FRMD4A: variants seen among roughly 807,000 people sequenced by gnomAD.
FRMD4A encodes FERM domain containing 4A, also known as FERM domain-containing protein 4A.
A neutral mutation model predicts 129.1 loss-of-function variants in FRMD4A; 29 were observed. That is an observed-to-expected ratio of 0.22 (90% CI 0.17 to 0.31). The LOEUF (loss-of-function observed/expected upper bound fraction) is 0.31. FRMD4A is among the 10% of genes least tolerant of loss of function. The pLI, the probability that FRMD4A is intolerant of heterozygous loss-of-function variation, is 1.00. For synonymous variants in FRMD4A, 634 were observed against 571.6 expected, an observed-to-expected ratio of 1.11 and a Z score of -1.56; for missense variants, 1,272 against 1,375.8, an observed-to-expected ratio of 0.92 and a Z score of 1.19.
chr10:14,250,676 C>A (rs1564417621), intron 2 of FRMD4A, among the ~76,000 whole-genome samples: 1 of 152,194 alleles, frequency 6.6e-6, no homozygotes, highest in African/African-American at 2.4e-5. Context: ...CAGTCCTTGG[C>A]TTCAGGGCTG....
chr10:14,013,059 A>T (rs1247761055), intron 2 of FRMD4A, among the ~76,000 whole-genome samples: 1 of 152,178 alleles, frequency 6.6e-6, no homozygotes, highest in Non-Finnish European at 1.5e-5. Flanking sequence ...GAGCCCCAGC[A>T]GAAGGGGCAA....
intron 2 of FRMD4A, chr10:14,087,621 G>C (rs1292504569): frequency 6.6e-6 from 1 of 152,196 alleles, no homozygotes; most frequent in Admixed American, 6.5e-5. Context: ...CTGGTGGGAT[G>C]AGAGTGGAAA....
chr10:13,704,352 C>CAG lies in FRMD4A; in HGVS notation c.836+2683_836+2684dup, dbSNP rs1297088675. Among the ~76,000 whole-genome samples the CAG allele has an allele frequency of 5.3e-5, 8 of 152,320 alleles. No individual in the cohort carries two copies. The South Asian group carries it at 1.7e-3, about 32-fold the overall frequency. The stretch of plus-strand genomic sequence containing the variant: ...ATTCCTGCCTGTCTGCAGGCTAACT[C>CAG]AGTGTACTCAGAGCGAGTTTGCCTG... On this transcript the variant is annotated intron_variant, in intron 13 of 24. Transcript: ENST00000357447.
intron 2 of FRMD4A, among the ~76,000 whole-genome samples, chr10:14,284,090 G>T (rs1845606007): frequency 6.6e-6 from 1 of 152,118 alleles, no homozygotes; most frequent in Non-Finnish European, 1.5e-5. Flanking sequence ...TATGAAATAT[G>T]GGTAAAAATA....
chr10:13,890,516 C>T (rs2094682989), intron 2 of FRMD4A: 1 of 977,948 alleles, frequency 1.0e-6, no homozygotes, highest in African/African-American at 1.8e-5. Context: ...GCAGCTGAAC[C>T]CTCAATCAGG....
chr10:14,111,187 T>C (rs1168907970), intron 2 of FRMD4A, among the ~76,000 whole-genome samples: 1 of 152,238 alleles, frequency 6.6e-6, no homozygotes, highest in Admixed American at 6.5e-5. Flanking sequence ...CTGCTTTCTG[T>C]CTCTGCGAAT....
At chr10:14,024,034 G>C (rs1025246632) in intron 2 of FRMD4A, among the ~76,000 whole-genome samples, 1 of 152,174 alleles carries the variant, frequency 6.6e-6, no homozygotes, top group Non-Finnish European at 1.5e-5. Context: ...TCAGGGAATA[G>C]CTACTGAAGC....
intron 5 of FRMD4A, among the ~76,000 whole-genome samples, chr10:13,789,392 T>C (rs577678040): frequency 1.3e-5 from 2 of 152,300 alleles, no homozygotes; most frequent in South Asian, 4.1e-4. Flanking sequence ...CAGTTTATTG[T>C]CTGTGAAACT....
chr10:14,052,045 CAG>C (rs1834285914), intron 2 of FRMD4A, among the ~76,000 whole-genome samples: 1 of 152,134 alleles, frequency 6.6e-6, no homozygotes, highest in South Asian at 2.1e-4. Context: ...AGAGGAGACT[CAG>C]AGACAGACAC....
intron 5 of FRMD4A, among the ~76,000 whole-genome samples, chr10:13,785,661 AT>A (rs2092836144): frequency 6.6e-6 from 1 of 152,022 alleles, no homozygotes; most frequent in Admixed American, 6.6e-5. Context: ...TAGGGTACAC[AT>A]GCACAACGTG....
intron 17 of FRMD4A, chr10:13,668,129 A>G (rs2083212101): frequency 6.6e-6 from 1 of 152,276 alleles, no homozygotes; most frequent in African/African-American, 2.4e-5. Flanking sequence ...CAGGAACAAG[A>G]AGCGAGAGGA....
chr10:13,872,307 C>T (rs1054504384), intron 2 of FRMD4A, among the ~76,000 whole-genome samples: 5 of 152,202 alleles, frequency 3.3e-5, no homozygotes, highest in Admixed American at 1.3e-4. Flanking sequence ...AAGTGCCAGG[C>T]CTTCACAAAA....
chr10:13,646,009 G>T lies in FRMD4A; in HGVS notation c.*1029C>A, dbSNP rs561225035. 1 of 152,382 alleles carries T rather than the reference G, an allele frequency of 6.6e-6. No homozygotes were observed. The highest frequency in any genetic ancestry group is 1.9e-4 in the East Asian group (1 of 5,196). 9.4% of individuals were successfully genotyped at this position (152,382 alleles called of 1,614,324 possible). On this transcript the variant is annotated 3_prime_UTR_variant, in exon 25 of 25. Transcript: ENST00000357447. ...GAAAGCAGCTTTGAGTCTTGGGCTC[G>T]GCTGAACCCCCTGCATGGACCGGGG... is the stretch of plus-strand genomic sequence containing the variant.
At chr10:13,951,593 A>G (rs2131335413) in intron 2 of FRMD4A, among the ~76,000 whole-genome samples, 1 of 152,206 alleles carries the variant, frequency 6.6e-6, no homozygotes, top group Admixed American at 6.5e-5. Flanking sequence ...ATCAGGTATC[A>G]CAATCTAAAA....
chr10:14,013,970 G>T (rs1298471403), intron 2 of FRMD4A, among the ~76,000 whole-genome samples: 1 of 152,146 alleles, frequency 6.6e-6, no homozygotes, highest in Non-Finnish European at 1.5e-5. Flanking sequence ...AAAGTCCAAG[G>T]CCAGCCCATG....
chr10:13,651,522 G>A (rs542565937), intron 24 of FRMD4A: 9 of 194,432 alleles, frequency 4.6e-5, no homozygotes, highest in Non-Finnish European at 7.4e-5. Context: ...GCAAAACCCC[G>A]TGTCTACTAA....
intron 12 of FRMD4A, among the ~76,000 whole-genome samples, chr10:13,712,598 T>C (rs2088137644): frequency 6.6e-6 from 1 of 151,880 alleles, no homozygotes; most frequent in Non-Finnish European, 1.5e-5. Context: ...AACCACCAAG[T>C]AGTGGCTTCC....
intron 2 of FRMD4A, among the ~76,000 whole-genome samples, chr10:14,201,997 G>A (rs772989454): frequency 3.9e-5 from 6 of 152,136 alleles, no homozygotes; most frequent in Non-Finnish European, 8.8e-5. Context: ...AATTAGCTGG[G>A]CATGGTGGTG....
rs181191572 is a variant in FRMD4A, at chr10:13,822,232, A to G, written c.112-11324T>C. Among the ~76,000 whole-genome samples, 494 of 152,192 alleles carry G rather than the reference A, an allele frequency of 3.2e-3. 7 individuals carry two copies. Among genetic ancestry groups the G allele is most frequent in the African/African-American group, 0.011 (462 of 41,508 alleles). ...TTTGTAGCGAGAACATTTCCAAACT[A>G]CTCTCAGCAATTTTCAAGCATTGAA... On this transcript the variant is annotated intron_variant, in intron 3 of 24. Coordinates refer to ENST00000357447, the MANE Select transcript of FRMD4A (RefSeq NM_018027.5).
Sources: allele counts gnomAD v4.1 joint callset (sites outside exome capture counted in the v4.1 genomes callset), GRCh38; gene constraint gnomAD v4.1.1; transcripts MANE v1.5; gene names NCBI Gene and HGNC (gene_info 2026-07-23, HGNC 2026-07-21).